SPAG17: variants seen among roughly 807,000 people sequenced by gnomAD.
The protein encoded by SPAG17 is sperm-associated antigen 17.
A neutral mutation model predicts 273.6 loss-of-function variants in SPAG17; 169 were observed. That is an observed-to-expected ratio of 0.62 (90% CI 0.55 to 0.70). The LOEUF (loss-of-function observed/expected upper bound fraction) is 0.70, where lower values mean the gene tolerates loss of function less well. Among genes scored for constraint, SPAG17 ranks in the 30% least tolerant of loss-of-function variants. The pLI is 0.00. For missense variants in SPAG17, 2,557 were observed against 2,627.8 expected, an observed-to-expected ratio of 0.97 and a Z score of 0.59; for synonymous variants, 825 against 873.2, an observed-to-expected ratio of 0.94 and a Z score of 0.97.
chr1:118,079,556 G>C (rs184632354), intron 15 of SPAG17, among the ~76,000 whole-genome samples: 1 of 151,690 alleles, frequency 6.6e-6, no homozygotes, highest in East Asian at 1.9e-4. Context: ...TTCTTCCTAT[G>C]TTTCTATGTT....
intron 41 of SPAG17, among the ~76,000 whole-genome samples, chr1:117,984,175 T>G (rs952739192): frequency 2.6e-5 from 4 of 152,166 alleles, no homozygotes; most frequent in Non-Finnish European, 5.9e-5. Context: ...GCTTCAGGGT[T>G]TTAATGAACT....
intron 13 of SPAG17, 46 bp downstream of exon 13, chr1:118,085,876 C>G: frequency 6.6e-7 from 1 of 1,520,776 alleles, no homozygotes; most frequent in Non-Finnish European, 8.8e-7. Flanking sequence ...GCATATATGA[C>G]CATTAATTAA....
intron 16 of SPAG17, among the ~76,000 whole-genome samples, chr1:118,074,306 A>G (rs1653887358): frequency 6.6e-6 from 1 of 152,138 alleles, no homozygotes; most frequent in Admixed American, 6.6e-5. Context: ...GCCAAGCCAC[A>G]CTGTCTAGAG....
chr1:118,106,182 G>A (rs1339934116), intron 4 of SPAG17, among the ~76,000 whole-genome samples: 1 of 152,020 alleles, frequency 6.6e-6, no homozygotes, highest in South Asian at 2.1e-4. Flanking sequence ...AATTAGCAAG[G>A]GGCTATTCTA....
intron 16 of SPAG17, 53 bp downstream of exon 16, chr1:118,074,486 G>T: frequency 6.9e-7 from 1 of 1,448,722 alleles, no homozygotes; most frequent in South Asian, 1.1e-5. Flanking sequence ...TCCAAGTCAT[G>T]GTTTTTCTCA....
rs545084441 is a variant in SPAG17, at chr1:117,998,948, AT to A, written c.4777-2206del. Among the ~76,000 whole-genome samples, 352 of 152,236 alleles carry A rather than the reference AT, an allele frequency of 2.3e-3. 1 individual carries two copies. The highest frequency in any genetic ancestry group is 8.3e-3 in the African/African-American group (343 of 41,536). On this transcript the variant is annotated intron_variant, in intron 32 of 48. Coordinates refer to ENST00000336338, the MANE Select transcript of SPAG17 (RefSeq NM_206996.4). ...CTGCACCCATCAACCTGTCATTTACATTAGGTATTTCTCCTAATGCTATCCA... is the reference window on the plus strand; with the variant it reads ...CTGCACCCATCAACCTGTCATTTACATAGGTATTTCTCCTAATGCTATCCA...
At chr1:118,153,710 G>A (rs554715807) in intron 1 of SPAG17, among the ~76,000 whole-genome samples, 10 of 152,134 alleles carry the variant, frequency 6.6e-5, no homozygotes, top group Non-Finnish European at 1.0e-4. Context: ...TTAGCCGGGT[G>A]TGGTGGAGGG....
At chr1:117,988,832 T>TA in intron 38 of SPAG17, among the ~76,000 whole-genome samples, 1 of 152,314 alleles carries the variant, frequency 6.6e-6, no homozygotes, top group African/African-American at 2.4e-5. Flanking sequence ...TATCCAAACT[T>TA]ATTTTAATAT....
chr1:118,118,434 T>G (rs1657220004), intron 3 of SPAG17, among the ~76,000 whole-genome samples: 1 of 152,178 alleles, frequency 6.6e-6, no homozygotes, highest in African/African-American at 2.4e-5. Flanking sequence ...GGCAAAAATT[T>G]AAGCTTCCAG....
intron 1 of SPAG17, among the ~76,000 whole-genome samples, chr1:118,178,293 T>C (rs1015268726): frequency 1.3e-5 from 2 of 152,052 alleles, no homozygotes; most frequent in African/African-American, 4.8e-5. Flanking sequence ...GCTTAACATA[T>C]GTAAATCAAG....
chr1:118,176,762 G>A (rs558535402), intron 1 of SPAG17, among the ~76,000 whole-genome samples: 1 of 152,252 alleles, frequency 6.6e-6, no homozygotes, highest in East Asian at 1.9e-4. Context: ...CTTTTCAGCA[G>A]CACACAGAAC....
rs34125128 is a variant in SPAG17, at chr1:118,122,153, CTGTGTG to C, written c.316-6718_316-6713del. On this transcript the variant is annotated intron_variant, in intron 3 of 48. Coordinates refer to ENST00000336338, the MANE Select transcript of SPAG17 (RefSeq NM_206996.4). The stretch of plus-strand genomic sequence containing the variant: ...ATTGCCCCAATGTGTGTCTGTGTGT[CTGTGTG>C]TGTGTGTGTGTGTGTGTGTGTTTAC... Among the ~76,000 whole-genome samples the C allele has an allele frequency of 1.5e-4, 23 of 149,252 alleles. 1 individual carries two copies. The highest frequency in any genetic ancestry group is 8.6e-4 in the South Asian group (4 of 4,668).
chr1:117,985,209 G>GCATGATTTGTGAATAAT (rs1476696092), intron 40 of SPAG17, among the ~76,000 whole-genome samples: 2 of 152,164 alleles, frequency 1.3e-5, no homozygotes, highest in African/African-American at 4.8e-5. Flanking sequence ...AAAACTTGAG[G>GCATGATTTGTGAATAAT]CATGATTTGT....
At chr1:118,053,449 A>C (rs1651294717) in intron 20 of SPAG17, among the ~76,000 whole-genome samples, 1 of 152,064 alleles carries the variant, frequency 6.6e-6, no homozygotes, top group Non-Finnish European at 1.5e-5. Context: ...ACAACATTCA[A>C]AATTGAATTC....
At chr1:118,002,312 G>C (rs897925948) in intron 32 of SPAG17, among the ~76,000 whole-genome samples, 2 of 152,130 alleles carry the variant, frequency 1.3e-5, no homozygotes, top group African/African-American at 4.8e-5. Flanking sequence ...GATTTGGGGC[G>C]GAGAGTTCTG....
chr1:118,183,858 T>A (rs963565352), intron 1 of SPAG17, among the ~76,000 whole-genome samples: 3 of 152,186 alleles, frequency 2.0e-5, no homozygotes, highest in Admixed American at 2.0e-4. Flanking sequence ...CGCTGACTTA[T>A]AAAAGCAAAA....
intron 46 of SPAG17, among the ~76,000 whole-genome samples, chr1:117,969,719 A>C (rs1051664011): frequency 6.6e-6 from 1 of 152,228 alleles, no homozygotes; most frequent in East Asian, 1.9e-4. Flanking sequence ...TTCACTTCGC[A>C]TAAGGATTTA....
chr1:117,956,740 G>A (rs1028750779), intron 48 of SPAG17, among the ~76,000 whole-genome samples: 6 of 152,134 alleles, frequency 3.9e-5, no homozygotes, highest in Admixed American at 3.9e-4. Context: ...CATCATAATA[G>A]ACTCTAATGG....
At chr1:117,982,097 C>T (rs924146543) in intron 42 of SPAG17, among the ~76,000 whole-genome samples, 19 of 152,122 alleles carry the variant, frequency 1.2e-4, no homozygotes, top group Non-Finnish European at 5.9e-5. Context: ...GATTTCTCCC[C>T]ATCACATTTA....
Sources: gnomAD v4.1 joint callset for allele counts (sites outside exome capture counted in the v4.1 genomes callset) on GRCh38, gnomAD v4.1.1 for gene constraint, MANE v1.5 for transcripts, NCBI Gene and HGNC (gene_info 2026-07-23, HGNC 2026-07-21) for gene names.